MID1: variants seen among roughly 807,000 people sequenced by gnomAD.
MID1 encodes the protein E3 ubiquitin-protein ligase Midline-1.
MID1 carries 7 observed loss-of-function variants against 40.4 expected under a neutral mutation model. That is an observed-to-expected ratio of 0.17 (90% confidence interval 0.10 to 0.33). MID1 has a LOEUF of 0.33. Ranked by LOEUF, MID1 falls within the 10% of genes least tolerant of loss-of-function variation. The pLI is 1.00. For synonymous variants in MID1, 229 were observed against 221.2 expected, an observed-to-expected ratio of 1.04 and a Z score of -0.31; for missense variants, 367 against 558.5, an observed-to-expected ratio of 0.66 and a Z score of 3.46.
At chrX:10,589,661 G>C (rs986163621) in intron 1 of MID1, 11 of 110,820 alleles carry the variant, frequency 9.9e-5, no homozygotes, top group African/African-American at 3.0e-4. Flanking sequence ...CTCCACGGGG[G>C]CCTGCCACAC....
chrX:10,682,481 G>A (rs2043067180), intron 1 of MID1, among the ~76,000 whole-genome samples: 1 of 110,575 alleles, frequency 9.0e-6, no homozygotes, highest in Admixed American at 9.7e-5. Flanking sequence ...TTTAACGGAT[G>A]TAAAAATAAA....
intron 1 of MID1, among the ~76,000 whole-genome samples, chrX:10,758,429 T>A (rs1329661411): frequency 9.2e-6 from 1 of 108,424 alleles, no homozygotes; most frequent in Non-Finnish European, 1.9e-5. Context: ...TCCAAATGAC[T>A]CCATGTTTTC....
chrX:10,797,259 C>G (rs1406142641), intron 1 of MID1, among the ~76,000 whole-genome samples: 3 of 111,380 alleles, frequency 2.7e-5, no homozygotes, highest in African/African-American at 9.8e-5. Flanking sequence ...GGATAAAAGT[C>G]ATATTTAGAG....
intron 2 of MID1, among the ~76,000 whole-genome samples, chrX:10,539,245 C>T (rs191227714): frequency 8.0e-5 from 9 of 112,038 alleles, no homozygotes; most frequent in Admixed American, 6.6e-4. Flanking sequence ...ACTTCCCAAA[C>T]ATCTCTAATT....
chrX:10,633,542 C>G (rs912627282), intron 1 of MID1, among the ~76,000 whole-genome samples: 15 of 110,625 alleles, frequency 1.4e-4, no homozygotes, highest in African/African-American at 4.9e-4. Context: ...CAATCAACCT[C>G]CCAGGCCCAA....
At chrX:10,708,725 G>A (rs2043246865) in intron 1 of MID1, among the ~76,000 whole-genome samples, 1 of 111,507 alleles carries the variant, frequency 9.0e-6, no homozygotes, top group Admixed American at 9.6e-5. Context: ...TGAAACAGAG[G>A]GTCCACACTG....
intron 8 of MID1, among the ~76,000 whole-genome samples, chrX:10,458,674 C>T: frequency 9.0e-6 from 1 of 111,557 alleles, no homozygotes; most frequent in East Asian, 2.8e-4. Flanking sequence ...AGTGGGAAAG[C>T]CACAGTCTTC....
At chrX:10,604,249 ATAAT>A (rs1043820123) in intron 1 of MID1, among the ~76,000 whole-genome samples, 1 of 111,726 alleles carries the variant, frequency 9.0e-6, no homozygotes, top group Non-Finnish European at 1.9e-5. Context: ...ACATGCATAA[ATAAT>A]TAGTCTTTAA....
At chrX:10,727,010 A>G (rs1279419670) in intron 1 of MID1, among the ~76,000 whole-genome samples, 3 of 113,335 alleles carry the variant, frequency 2.6e-5, no homozygotes, top group Non-Finnish European at 5.6e-5. Flanking sequence ...TGAAGAGCTG[A>G]AGCAAAGAAC....
intron 1 of MID1, among the ~76,000 whole-genome samples, chrX:10,814,111 A>C (rs920761402): frequency 8.9e-6 from 1 of 111,961 alleles, no homozygotes; most frequent in African/African-American, 3.2e-5. Flanking sequence ...AAATTTAAAC[A>C]TGTAAAAACC....
intron 2 of MID1, among the ~76,000 whole-genome samples, chrX:10,531,191 T>C (rs1294667554): frequency 2.7e-5 from 3 of 111,679 alleles, no homozygotes; most frequent in Non-Finnish European, 3.8e-5. Context: ...TCTAAGAAAC[T>C]TTAATCACAA....
chrX:10,506,030 T>C, intron 3 of MID1: 3 of 765,459 alleles, frequency 3.9e-6, no homozygotes, highest in Non-Finnish European at 4.6e-6. Flanking sequence ...GAGGTACAAC[T>C]GGAAAATGTT....
intron 3 of MID1, among the ~76,000 whole-genome samples, chrX:10,513,428 CCTCTGA>C (rs751200176): frequency 8.5e-4 from 96 of 112,336 alleles, no homozygotes; most frequent in African/African-American, 2.8e-3. Flanking sequence ...ATTCCATTCC[CCTCTGA>C]CTCTTTCACC....
At chrX:10,579,792 T>C (rs971322819) in intron 1 of MID1, among the ~76,000 whole-genome samples, 1 of 105,528 alleles carries the variant, frequency 9.5e-6, no homozygotes, top group African/African-American at 3.6e-5. Flanking sequence ...GGGGAAGAAG[T>C]CTTTTTTTTT....
chrX:10,823,262 A>G (rs963249213), intron 1 of MID1, among the ~76,000 whole-genome samples: 1 of 111,497 alleles, frequency 9.0e-6, no homozygotes, highest in Non-Finnish European at 1.9e-5. Flanking sequence ...TATACATGCT[A>G]ACTGAATGAT....
intron 1 of MID1, among the ~76,000 whole-genome samples, chrX:10,816,420 A>G (rs971222024): frequency 8.9e-6 from 1 of 112,328 alleles, no homozygotes; most frequent in Non-Finnish European, 1.9e-5. Context: ...CGGAGGCAGG[A>G]AACGTGTGTC....
At chrX:10,804,051 T>G (rs1465982151) in intron 1 of MID1, among the ~76,000 whole-genome samples, 1 of 111,943 alleles carries the variant, frequency 8.9e-6, no homozygotes, top group Non-Finnish European at 1.9e-5. Context: ...GTACAGTCTG[T>G]GGATGAACCC....
At chrX:10,598,088 G>C (rs911054750) in intron 1 of MID1, among the ~76,000 whole-genome samples, 1 of 111,706 alleles carries the variant, frequency 9.0e-6, no homozygotes, top group Non-Finnish European at 1.9e-5. Context: ...TGGGCCTCCA[G>C]TATGCCTTGA....
At chrX:10,775,376 C>T (rs955172088) in intron 1 of MID1, among the ~76,000 whole-genome samples, 1 of 110,858 alleles carries the variant, frequency 9.0e-6, no homozygotes, top group African/African-American at 3.3e-5. Flanking sequence ...AGAAACCTCA[C>T]ATTAGACACT....
Sources: allele counts gnomAD v4.1 joint callset (sites outside exome capture counted in the v4.1 genomes callset), GRCh38; gene constraint gnomAD v4.1.1; transcripts MANE v1.5; gene names NCBI Gene and HGNC (gene_info 2026-07-23, HGNC 2026-07-21).